Variants in KCND3 observed in about 807,000 individuals in gnomAD.
KCND3 encodes the protein potassium voltage-gated channel subfamily D member 3.
In KCND3, 9 loss-of-function variants were observed where a neutral mutation model predicts 51.1. The ratio of observed to expected loss-of-function variants is 0.18; its 90% CI spans 0.11 to 0.31. The LOEUF is 0.31. KCND3 is among the 10% of genes least tolerant of loss of function. KCND3 has a pLI of 1.00. For missense variants in KCND3, 526 were observed against 903.8 expected (o/e 0.58, Z 5.36); for synonymous variants, 349 against 368.0 (o/e 0.95, Z 0.59).
chr1:111,785,255 T>C (rs1664556312), intron 3 of KCND3, among the ~76,000 whole-genome samples: 1 of 152,206 alleles, frequency 6.6e-6, no homozygotes, highest in African/African-American at 2.4e-5. Flanking sequence ...AGAGGATCCC[T>C]GGCCCTTCAG....
At chr1:111,956,095 C>A (rs1361784658) in intron 2 of KCND3, among the ~76,000 whole-genome samples, 1 of 152,040 alleles carries the variant, frequency 6.6e-6, no homozygotes, top group Non-Finnish European at 1.5e-5. Context: ...AAGGGGCATG[C>A]CCAGTCCTAA....
intron 2 of KCND3, among the ~76,000 whole-genome samples, chr1:111,889,159 C>T (rs1558000970): frequency 6.6e-6 from 1 of 152,330 alleles, no homozygotes; most frequent in East Asian, 1.9e-4. Flanking sequence ...GCTGCTCTTC[C>T]CCGGACCAGC....
intron 2 of KCND3, among the ~76,000 whole-genome samples, chr1:111,815,213 G>A (rs1226663780): frequency 6.6e-6 from 1 of 152,162 alleles, no homozygotes; most frequent in East Asian, 1.9e-4. Flanking sequence ...TCAGCTCTCG[G>A]AGGGCTGAGA....
intron 2 of KCND3, among the ~76,000 whole-genome samples, chr1:111,907,172 T>C (rs745378867): frequency 1.2e-4 from 19 of 152,238 alleles, no homozygotes; most frequent in Non-Finnish European, 2.4e-4. Context: ...CTGATCTCCA[T>C]GAGAGAACAG....
At position 111,815,345 on chromosome 1, in the gene KCND3, A is replaced by G. The variant is rs113957752; in HGVS notation, c.1107-28239T>C. On this transcript the variant is annotated intron_variant, in intron 2 of 7. Coordinates refer to ENST00000302127, the MANE Select transcript of KCND3 (RefSeq NM_001378969.1). ...TTCATCAGTCACTTCCCTTCATGTG[A>G]CAGAGTCTCTCCTTGACCAAACTCT... 2.6e-3 allele frequency among the ~76,000 whole-genome samples: 389 copies of G among 151,576 alleles called. 3 individuals carry two copies. Among genetic ancestry groups the G allele is most frequent in the African/African-American group, 8.9e-3 (367 of 41,280 alleles).
At chr1:111,978,853 AG>A (rs1674787857) in intron 2 of KCND3, among the ~76,000 whole-genome samples, 1 of 152,226 alleles carries the variant, frequency 6.6e-6, no homozygotes, top group African/African-American at 2.4e-5. Context: ...TCCACTAAAA[AG>A]CATTTTGCCA....
At chr1:111,795,643 C>A (rs2101528567) in intron 2 of KCND3, among the ~76,000 whole-genome samples, 1 of 152,342 alleles carries the variant, frequency 6.6e-6, no homozygotes, top group East Asian at 1.9e-4. Context: ...GGCTAATCCA[C>A]ATGAGAAAGA....
At chr1:111,815,568 T>C (rs1453280970) in intron 2 of KCND3, among the ~76,000 whole-genome samples, 1 of 150,420 alleles carries the variant, frequency 6.6e-6, no homozygotes, top group Admixed American at 6.7e-5. Flanking sequence ...AAGACTCCTG[T>C]TAGGTTGGTT....
intron 3 of KCND3, among the ~76,000 whole-genome samples, chr1:111,781,204 C>T (rs1664368008): frequency 6.6e-6 from 1 of 152,162 alleles, no homozygotes; most frequent in African/African-American, 2.4e-5. Context: ...GGGTCCAGTA[C>T]AATTTTCTGC....
chr1:111,894,997 CA>C (rs1247015541), intron 2 of KCND3, among the ~76,000 whole-genome samples: 1 of 144,554 alleles, frequency 6.9e-6, no homozygotes, highest in Non-Finnish European at 1.5e-5. Context: ...GGAGAGGACT[CA>C]GGGGGAGGGA....
At chr1:111,976,823 G>A (rs1454039295) in intron 2 of KCND3, among the ~76,000 whole-genome samples, 1 of 152,158 alleles carries the variant, frequency 6.6e-6, no homozygotes, top group African/African-American at 2.4e-5. Context: ...AAGACAACTG[G>A]GTCTCATTCA....
At chr1:111,858,069 C>T (rs144091706) in intron 2 of KCND3, among the ~76,000 whole-genome samples, 6 of 152,208 alleles carry the variant, frequency 3.9e-5, no homozygotes, top group African/African-American at 1.4e-4. Flanking sequence ...TGTCGGCTGC[C>T]GGTTCTACAT....
intron 2 of KCND3, among the ~76,000 whole-genome samples, chr1:111,918,131 T>C (rs1016857081): frequency 5.3e-5 from 8 of 152,220 alleles, no homozygotes; most frequent in Middle Eastern, 3.2e-3. Context: ...GAAACTCGAA[T>C]CTGACTGGAG....
At chr1:111,830,756 T>C (rs2101619099) in intron 2 of KCND3, among the ~76,000 whole-genome samples, 2 of 152,384 alleles carry the variant, frequency 1.3e-5, no homozygotes, top group South Asian at 4.1e-4. Context: ...GTTTTTTAAA[T>C]TTTGGAAATA....
chr1:111,823,290 T>C (rs1666429085), intron 2 of KCND3, among the ~76,000 whole-genome samples: 1 of 152,198 alleles, frequency 6.6e-6, no homozygotes, highest in Admixed American at 6.5e-5. Flanking sequence ...TCTTTTCTTA[T>C]CTAAATTTCA....
At chr1:111,940,773 C>A (rs921374464) in intron 2 of KCND3, among the ~76,000 whole-genome samples, 2 of 152,330 alleles carry the variant, frequency 1.3e-5, no homozygotes, top group East Asian at 1.9e-4. Context: ...GTCCACTGCA[C>A]CCCTCACCGA....
intron 2 of KCND3, among the ~76,000 whole-genome samples, chr1:111,857,484 G>T (rs2101681246): frequency 6.6e-6 from 1 of 152,306 alleles, no homozygotes; most frequent in African/African-American, 2.4e-5. Flanking sequence ...ATGCAGTACA[G>T]CCGGGAGAAG....
intron 2 of KCND3, among the ~76,000 whole-genome samples, chr1:111,949,329 T>G (rs1239305030): frequency 6.6e-6 from 1 of 152,038 alleles, no homozygotes; most frequent in Admixed American, 6.5e-5. Flanking sequence ...AGACTGCAGG[T>G]GAAAATGCAC....
chr1:111,788,084 A>G (rs1414891166), intron 2 of KCND3, among the ~76,000 whole-genome samples: 2 of 152,224 alleles, frequency 1.3e-5, no homozygotes, highest in Admixed American at 1.3e-4. Context: ...ACACCCTAGC[A>G]GCTGCCCTCT....
Sources: gnomAD v4.1 joint callset for allele counts (sites outside exome capture counted in the v4.1 genomes callset) on GRCh38, gnomAD v4.1.1 for gene constraint, MANE v1.5 for transcripts, NCBI Gene and HGNC (gene_info 2026-07-23, HGNC 2026-07-21) for gene names.